The following KLHL42 variants were observed in gnomAD, a reference collection of about 807,000 sequenced individuals.
KLHL42 encodes the protein kelch like family member 42, also known as kelch-like protein 42.
Under a neutral mutation model 32.7 loss-of-function variants are expected in KLHL42, and 27 were observed. The ratio of observed to expected loss-of-function variants is 0.83; its 90% confidence interval spans 0.61 to 1.14. The LOEUF is 1.14. KLHL42 is among the 50% of genes most tolerant of loss of function. KLHL42 has a pLI of 0.00. For synonymous variants in KLHL42, 267 were observed against 248.2 expected (o/e 1.08, Z -0.71); for missense variants, 491 against 560.8 (o/e 0.88, Z 1.26).
chr12:27,784,484 C>T (rs1565481932), intron 1 of KLHL42, among the ~76,000 whole-genome samples: 1 of 151,986 alleles, frequency 6.6e-6, no homozygotes, highest in Non-Finnish European at 1.5e-5. Context: ...TGCAATGGTT[C>T]ACGCTTGTAG....
Position 27,800,102 on chromosome 12 carries a change from G to T in KLHL42, c.*1936G>T. On this transcript the variant is annotated 3_prime_UTR_variant, in exon 3 of 3. Transcript: ENST00000381271. The stretch of plus-strand genomic sequence containing the variant: ...TGCTGAAGAGCTTAACTTTTTAAAG[G>T]CTTTGTCCTATACATTTAGAAGATG... The T allele has an allele frequency of 5.1e-6, 5 of 984,422 alleles. No homozygotes were observed. The highest frequency in any genetic ancestry group is 4.8e-6 in the Non-Finnish European group (4 of 829,130). The allele number at this position is 984,422 out of a possible 1,614,324, so 61.0% of individuals were successfully genotyped here.
intron 1 of KLHL42, among the ~76,000 whole-genome samples, chr12:27,781,436 C>T (rs1291667901): frequency 6.6e-6 from 1 of 152,106 alleles, no homozygotes; most frequent in Non-Finnish European, 1.5e-5. Context: ...AGGTATTGTG[C>T]CTTTAGGTGA....
chr12:27,796,242 G>A (rs2062218120), intron 2 of KLHL42, among the ~76,000 whole-genome samples: 1 of 152,204 alleles, frequency 6.6e-6, no homozygotes, highest in Non-Finnish European at 1.5e-5. Context: ...TGTGGCTGTG[G>A]AGGGTGCTCT....
intron 1 of KLHL42, among the ~76,000 whole-genome samples, chr12:27,784,667 T>G (rs1427497666): frequency 6.6e-6 from 1 of 152,196 alleles, no homozygotes; most frequent in African/African-American, 2.4e-5. Flanking sequence ...TTTTGGTTGC[T>G]CCCGCCAAAT....
rs2062251084 is a variant in KLHL42 at position 27,802,228 on chromosome 12, C to G, written c.*4062C>G. 1.3e-5 allele frequency: 2 copies of G among 152,090 alleles called. No individual in the cohort carries two copies. The highest frequency in any genetic ancestry group is 4.8e-5 in the African/African-American group (2 of 41,392). 9.4% of individuals were successfully genotyped at this position (152,090 alleles called of 1,614,324 possible). ...CACATATAATCTTTATTTAAAAATG[C>G]TCACCAAGCACTGCAGACTTTGGAG... On this transcript the variant is annotated 3_prime_UTR_variant, in exon 3 of 3. Coordinates refer to ENST00000381271, the MANE Select transcript of KLHL42 (RefSeq NM_020782.2).
chr12:27,780,918 C>G lies in KLHL42; in HGVS notation c.588C>G (p.Leu196=). ...CCCGGATGACTGGGACTCCTGTCCT[C>G]GTGGCCCTCGGGGACTTCCTGGGGG... ...REARMTGTPV[L]VALGDFLGGP... is the part of the protein sequence containing the mutation. The change falls in exon 1 of 3, where the codon CTC becomes CTG. Residue 196 remains leucine, a synonymous_variant. Coordinates refer to ENST00000381271, the MANE Select transcript of KLHL42 (RefSeq NM_020782.2). This position sits in a 1 kb window ranked among gnomAD's most constrained non-coding sequence, Gnocchi z 8.8. 1.2e-6 allele frequency: 2 copies of G among 1,606,792 alleles called. No individual in the cohort carries two copies. The highest frequency in any genetic ancestry group is 1.7e-6 in the Non-Finnish European group (2 of 1,174,398).
At chr12:27,793,269 G>T (rs1040554641) in intron 2 of KLHL42, among the ~76,000 whole-genome samples, 2 of 151,852 alleles carry the variant, frequency 1.3e-5, no homozygotes, top group Admixed American at 1.3e-4. Flanking sequence ...GCTGGATGTG[G>T]TGTCATGTAC....
In KLHL42 at chr12:27,802,021, C is replaced by T. The variant is rs1216523451; in HGVS notation, c.*3855C>T. 6.6e-6 allele frequency: 1 copy of T among 152,064 alleles called. No individual in the cohort carries two copies. The highest frequency in any genetic ancestry group is 2.4e-5 in the African/African-American group (1 of 41,410). The allele number at this position is 152,064 out of a possible 1,614,324, so 9.4% of individuals were successfully genotyped here. A position where few individuals can be genotyped will look rare whatever the true frequency, so the allele number is the denominator to read the frequency against. ...CATTGGGGCTCGGTGGTCTGGTGGT[C>T]CCTTCGGTCTTGGCCCTGTCCGTCC... On this transcript the variant is annotated 3_prime_UTR_variant, in exon 3 of 3. Coordinates refer to ENST00000381271, the MANE Select transcript of KLHL42 (RefSeq NM_020782.2).
intron 1 of KLHL42, among the ~76,000 whole-genome samples, chr12:27,783,611 T>C (rs1319237237): frequency 6.6e-6 from 1 of 152,208 alleles, no homozygotes; most frequent in Non-Finnish European, 1.5e-5. Flanking sequence ...AGACGGAGTC[T>C]CGCTCTGTCG....
At position 27,801,960 on chromosome 12, in the gene KLHL42, G is replaced by T. The variant is rs554231547; in HGVS notation, c.*3794G>T. 6.6e-6 allele frequency: 1 copy of T among 151,950 alleles called. No homozygotes were observed. The highest frequency in any genetic ancestry group is 1.5e-5 in the Non-Finnish European group (1 of 68,038). 9.4% of individuals were successfully genotyped at this position (151,950 alleles called of 1,614,324 possible). ...GGTTCACTGTAATTGTCTTCACCAG[G>T]GCGTCCTTCTCAAAGATGCCCACTT... On this transcript the variant is annotated 3_prime_UTR_variant, in exon 3 of 3. Transcript: ENST00000381271.
intron 1 of KLHL42, among the ~76,000 whole-genome samples, chr12:27,790,610 G>C (rs898337869): frequency 1.3e-5 from 2 of 152,180 alleles, no homozygotes; most frequent in Non-Finnish European, 2.9e-5. Flanking sequence ...CTGATAAGCA[G>C]CATTTAATTA....
At position 27,780,390 on chromosome 12, in the gene KLHL42, G is replaced by A. The variant is rs1396788918; in HGVS notation, c.60G>A (p.Lys20=). ...RLEDRCYPVS[K]RKLIEQSDYF... ...AGGACCGCTGCTACCCGGTGAGCAA[G>A]AGGAAGCTCATCGAGCAGAGCGACT... The change falls in exon 1 of 3, where the codon AAG becomes AAA. Residue 20 remains lysine, a synonymous_variant. Coordinates refer to ENST00000381271, the MANE Select transcript of KLHL42 (RefSeq NM_020782.2). This position sits in a 1 kb window ranked among gnomAD's most constrained non-coding sequence, Gnocchi z 8.8. 8.2e-6 allele frequency: 13 copies of A among 1,579,342 alleles called. No homozygotes were observed. Among genetic ancestry groups the A allele is most frequent in the African/African-American group, 2.7e-5 (2 of 73,074 alleles).
intron 2 of KLHL42, among the ~76,000 whole-genome samples, chr12:27,793,690 TA>T (rs1299080278): frequency 6.6e-6 from 1 of 152,222 alleles, no homozygotes; most frequent in East Asian, 1.9e-4. Context: ...CAAGGAAATC[TA>T]TTTCTGCATT....
chr12:27,793,559 A>G (rs941666214), intron 2 of KLHL42, among the ~76,000 whole-genome samples: 1 of 151,860 alleles, frequency 6.6e-6, no homozygotes. Context: ...AAAAAAAAAA[A>G]AAGAAAAGAA....
At position 27,797,891 on chromosome 12, in the gene KLHL42, A is replaced by G. The variant is rs2062226611; in HGVS notation, c.1243A>G (p.Met415Val). The G allele has an allele frequency of 1.3e-6, 1 of 780,968 alleles. No homozygotes were observed. The highest frequency in any genetic ancestry group is 2.4e-6 in the Non-Finnish European group (1 of 418,114). 48.4% of individuals were successfully genotyped at this position (780,968 alleles called of 1,614,324 possible). Residue 415 changes from methionine to valine, a missense_variant, in exon 3 of 3, where the codon ATG becomes GTG. Met to Val is a conservative substitution (Grantham distance 21). This residue lies in a region of KLHL42 where 152 missense variants were observed against 125.9 expected (regional missense o/e 1.21). Transcript: ENST00000381271. ...PNRRSSQSEDMLTVQSYNTVT... is the reference protein window; with the variant it reads ...PNRRSSQSEDVLTVQSYNTVT... ...CCGCAGGAGCAGCCAGAGCGAGGAC[A>G]TGCTCACCGTGCAGTCCTACAACAC... is the stretch of plus-strand genomic sequence containing the variant.
At chr12:27,781,250 T>A (rs756094561) in intron 1 of KLHL42, 48 bp downstream of exon 1, 2 of 1,584,906 alleles carry the variant, frequency 1.3e-6, no homozygotes, top group South Asian at 2.3e-5. Context: ...ATTCACTTGT[T>A]CATTAGTTCA....
At position 27,801,535 on chromosome 12, in the gene KLHL42, G is replaced by C. The variant is rs1021487901; in HGVS notation, c.*3369G>C. ...AGCAATGTAAAAGGAATATAAGTAGGTGTTGGATGCCTTTTTCCTAGACCA... is the reference window on the plus strand; with the variant it reads ...AGCAATGTAAAAGGAATATAAGTAGCTGTTGGATGCCTTTTTCCTAGACCA... On this transcript the variant is annotated 3_prime_UTR_variant, in exon 3 of 3. Transcript: ENST00000381271. 2 of 152,230 alleles carry C rather than the reference G, an allele frequency of 1.3e-5. No homozygotes were observed. Among genetic ancestry groups the C allele is most frequent in the African/African-American group, 4.8e-5 (2 of 41,464 alleles). 9.4% of individuals were successfully genotyped at this position (152,230 alleles called of 1,614,324 possible).
At position 27,800,812 on chromosome 12, in the gene KLHL42, A is replaced by G. The variant is rs1054207935; in HGVS notation, c.*2646A>G. 1 of 152,118 alleles carries G rather than the reference A, an allele frequency of 6.6e-6. No homozygotes were observed. The highest frequency in any genetic ancestry group is 2.1e-4 in the South Asian group (1 of 4,814). The allele number at this position is 152,118 out of a possible 1,614,324, so 9.4% of individuals were successfully genotyped here. ...TTCTTCCCAATTCTCTAAATGCTTT[A>G]TCATTTTTTCCTGAGATGCTTCTGA... On this transcript the variant is annotated 3_prime_UTR_variant, in exon 3 of 3. Transcript: ENST00000381271.
At chr12:27,796,350 C>T (rs3751235) in intron 2 of KLHL42, among the ~76,000 whole-genome samples, 23,108 of 151,774 alleles carry the variant, frequency 0.15, 2,259 homozygotes, top group Non-Finnish European at 0.22. Flanking sequence ...TTACCAAGCG[C>T]CTGCAGCCGT....
Sources: allele counts gnomAD v4.1 joint callset (sites outside exome capture counted in the v4.1 genomes callset), GRCh38; gene constraint gnomAD v4.1.1; regional missense constraint gnomAD v4.1.1; non-coding constraint Gnocchi (gnomAD v3.1); transcripts MANE v1.5; gene names NCBI Gene and HGNC (gene_info 2026-07-23, HGNC 2026-07-21).